Variants in PRKN observed in about 807,000 individuals in gnomAD.
PRKN encodes the protein parkin RBR E3 ubiquitin protein ligase, also known as E3 ubiquitin-protein ligase parkin.
A neutral mutation model predicts 59.5 loss-of-function variants in PRKN; 56 were observed. That is an observed-to-expected ratio of 0.94 (90% confidence interval 0.76 to 1.18). The LOEUF is 1.18. Ranked by LOEUF, PRKN falls within the 50% of genes most tolerant of loss-of-function variation. The pLI is 0.00. For synonymous variants in PRKN, 250 were observed against 222.1 expected (o/e 1.13, Z -1.12); for missense variants, 657 against 596.4 (o/e 1.10, Z -1.06).
chr6:162,385,145 G>T (rs1174242194), intron 2 of PRKN, among the ~76,000 whole-genome samples: 1 of 151,922 alleles, frequency 6.6e-6, no homozygotes, highest in Non-Finnish European at 1.5e-5. Flanking sequence ...GATACTTATG[G>T]AACTCACATG....
chr6:162,207,131 G>C (rs1185153269), intron 3 of PRKN, among the ~76,000 whole-genome samples: 2 of 152,092 alleles, frequency 1.3e-5, no homozygotes, highest in African/African-American at 2.4e-5. Flanking sequence ...CCAGCACTTT[G>C]GGAGGCCGAG....
At chr6:162,247,056 T>A (rs986892578) in intron 3 of PRKN, among the ~76,000 whole-genome samples, 1 of 152,020 alleles carries the variant, frequency 6.6e-6, no homozygotes, top group African/African-American at 2.4e-5. Flanking sequence ...ACATTAATTG[T>A]TTTAGTTTTG....
chr6:161,659,888 G>C (rs1162575994), intron 7 of PRKN, among the ~76,000 whole-genome samples: 2 of 152,242 alleles, frequency 1.3e-5, no homozygotes, highest in African/African-American at 2.4e-5. Context: ...ACTGAGTCTG[G>C]ACAGAGATGT....
In PRKN at chr6:161,950,928, T is replaced by C. The variant is rs552260310; in HGVS notation, c.734+22374A>G. 7.4e-4 allele frequency among the ~76,000 whole-genome samples: 106 copies of C among 142,846 alleles called. 1 individual carries two copies. Among genetic ancestry groups the C allele is most frequent in the African/African-American group, 2.4e-3 (87 of 35,712 alleles). 93.7% of individuals were successfully genotyped at this position (142,846 alleles called of 152,430 possible). On this transcript the variant is annotated intron_variant, in intron 6 of 11. Transcript: ENST00000366898. The stretch of plus-strand genomic sequence containing the variant: ...GAAGACACTGAAACAAGAATCGGAA[T>C]GGCTGCCCTATTCCAGGGGCATTGA...
chr6:161,911,791 T>C (rs1310237517), intron 6 of PRKN, among the ~76,000 whole-genome samples: 4 of 152,336 alleles, frequency 2.6e-5, no homozygotes, highest in East Asian at 1.9e-4. Context: ...TTACAAAGTT[T>C]AATTTAGATC....
At chr6:162,427,268 T>C (rs374153478) in intron 2 of PRKN, among the ~76,000 whole-genome samples, 2 of 152,308 alleles carry the variant, frequency 1.3e-5, no homozygotes, top group East Asian at 3.9e-4. Flanking sequence ...TTATTTAGTA[T>C]CTATTAATAG....
chr6:161,792,069 C>T (rs1790661354), intron 6 of PRKN, among the ~76,000 whole-genome samples: 2 of 152,218 alleles, frequency 1.3e-5, no homozygotes, highest in South Asian at 4.1e-4. Context: ...CTGGCATCTA[C>T]TTGGCAGCCA....
intron 1 of PRKN, among the ~76,000 whole-genome samples, chr6:162,479,894 G>A (rs936644218): frequency 5.3e-5 from 8 of 151,730 alleles, no homozygotes; most frequent in East Asian, 3.9e-4. Flanking sequence ...GTGAAACCTC[G>A]TCTCTACTGA....
chr6:162,245,979 A>G (rs1954939), intron 3 of PRKN, among the ~76,000 whole-genome samples: 74,808 of 151,972 alleles, frequency 0.49, 21,492 homozygotes, highest in East Asian at 0.86. Context: ...GTCTGGACTA[A>G]TACATTTTTG....
At chr6:162,632,663 A>G (rs1468034630) in intron 1 of PRKN, among the ~76,000 whole-genome samples, 1 of 152,138 alleles carries the variant, frequency 6.6e-6, no homozygotes, top group Non-Finnish European at 1.5e-5. Flanking sequence ...AATTAAAAAT[A>G]TAAATTAAAA....
intron 3 of PRKN, among the ~76,000 whole-genome samples, chr6:162,227,159 C>T (rs1446023812): frequency 6.6e-6 from 1 of 152,174 alleles, no homozygotes; most frequent in East Asian, 1.9e-4. Context: ...CGCATATGTA[C>T]ATCTTTACGT....
intron 5 of PRKN, among the ~76,000 whole-genome samples, chr6:161,984,552 G>A (rs1421999704): frequency 6.6e-6 from 1 of 152,058 alleles, no homozygotes; most frequent in African/African-American, 2.4e-5. Flanking sequence ...CTAATCCCTG[G>A]CTGTGTTTTT....
rs574624817 is a variant in PRKN at position 161,473,377 on chromosome 6, T to C, written c.1083+75477A>G. ...ATTTATTTATATACATATATATATA[T>C]AAAATGGAATATTATCAAGCCTTAA... On this transcript the variant is annotated intron_variant, in intron 9 of 11. Transcript: ENST00000366898. The surrounding 1 kb of genome is among the most constrained non-coding windows in gnomAD (Gnocchi z 4.1). Among the ~76,000 whole-genome samples, 2 of 147,682 alleles carry C rather than the reference T, an allele frequency of 1.4e-5. No homozygotes were observed. The highest frequency in any genetic ancestry group is 4.9e-5 in the African/African-American group (2 of 40,990).
chr6:161,626,417 CG>C (rs1783091123), intron 7 of PRKN, among the ~76,000 whole-genome samples: 1 of 152,156 alleles, frequency 6.6e-6, no homozygotes, highest in African/African-American at 2.4e-5. Context: ...CGTTAGTGGG[CG>C]CCAGTCCTTC....
intron 5 of PRKN, among the ~76,000 whole-genome samples, chr6:162,024,900 A>T (rs1230741637): frequency 6.6e-6 from 1 of 152,168 alleles, no homozygotes; most frequent in African/African-American, 2.4e-5. Context: ...TGTTGTTTAT[A>T]GTCAGCACGT....
intron 2 of PRKN, among the ~76,000 whole-genome samples, chr6:162,372,945 G>A (rs1195065346): frequency 2.6e-5 from 4 of 152,068 alleles, no homozygotes; most frequent in Non-Finnish European, 4.4e-5. Flanking sequence ...TGTTTATCAC[G>A]GTGTCAACTA....
chr6:162,221,027 T>C (rs1013590083), intron 3 of PRKN, among the ~76,000 whole-genome samples: 1 of 152,208 alleles, frequency 6.6e-6, no homozygotes, highest in Non-Finnish European at 1.5e-5. Flanking sequence ...GAGCGGAGAA[T>C]GGTAATGTAA....
intron 6 of PRKN, among the ~76,000 whole-genome samples, chr6:161,926,206 C>G (rs952277507): frequency 6.6e-6 from 1 of 152,102 alleles, no homozygotes; most frequent in African/African-American, 2.4e-5. Flanking sequence ...GAAAGGCAGT[C>G]GGTGAGGGAG....
intron 1 of PRKN, among the ~76,000 whole-genome samples, chr6:162,591,308 C>T (rs928016516): frequency 6.6e-6 from 1 of 151,718 alleles, no homozygotes; most frequent in African/African-American, 2.4e-5. Context: ...GGCCACATGT[C>T]GTGTTCTGCT....
Sources: allele counts gnomAD v4.1 joint callset (sites outside exome capture counted in the v4.1 genomes callset), GRCh38; gene constraint gnomAD v4.1.1; non-coding constraint Gnocchi (gnomAD v3.1); transcripts MANE v1.5; gene names NCBI Gene and HGNC (gene_info 2026-07-23, HGNC 2026-07-21).